Variants in SUMF1 observed in about 807,000 individuals in gnomAD.
SUMF1 encodes the protein sulfatase modifying factor 1, also known as formylglycine-generating enzyme.
A neutral mutation model predicts 47.6 loss-of-function variants in SUMF1; 48 were observed. That is an observed-to-expected ratio of 1.01 (90% CI 0.80 to 1.28). The LOEUF (loss-of-function observed/expected upper bound fraction) is 1.28. Among genes scored for constraint, SUMF1 ranks in the 50% most tolerant of loss-of-function variants. The pLI, the probability that SUMF1 is intolerant of heterozygous loss-of-function variation, is 0.00. For synonymous variants in SUMF1, 230 were observed against 192.1 expected (o/e 1.20, Z -1.63); for missense variants, 571 against 485.4 (o/e 1.18, Z -1.66).
chr3:4,214,547 A>C (rs551900995), intron 8 of SUMF1, among the ~76,000 whole-genome samples: 5 of 152,292 alleles, frequency 3.3e-5, no homozygotes, highest in Admixed American at 2.6e-4. Flanking sequence ...GACAAGAAAT[A>C]ACTAAGATCA....
At chr3:4,396,829 T>G (rs886606776) in intron 7 of SUMF1, among the ~76,000 whole-genome samples, 5 of 152,138 alleles carry the variant, frequency 3.3e-5, no homozygotes, top group Non-Finnish European at 5.9e-5. Context: ...AATGATTAAT[T>G]CTCTGACCTA....
chr3:4,309,306 T>A (rs1393091187), intron 8 of SUMF1, among the ~76,000 whole-genome samples: 1 of 152,140 alleles, frequency 6.6e-6, no homozygotes, highest in African/African-American at 2.4e-5. Flanking sequence ...CCCCTTCCCA[T>A]CATGACCTGA....
intron 9 of SUMF1, among the ~76,000 whole-genome samples, chr3:4,035,399 G>A (rs545405461): frequency 3.3e-5 from 5 of 152,186 alleles, no homozygotes; most frequent in South Asian, 2.1e-4. Context: ...CTGCCTCTGC[G>A]TTCATGTGAG....
chr3:4,048,097 T>G (rs76023473), intron 9 of SUMF1, among the ~76,000 whole-genome samples: 5,059 of 152,188 alleles, frequency 0.033, 285 homozygotes, highest in African/African-American at 0.12. Context: ...CTAAGTAATA[T>G]TCCATTTCCT....
intron 9 of SUMF1, among the ~76,000 whole-genome samples, chr3:4,045,168 T>C (rs563428151): frequency 6.6e-6 from 1 of 152,294 alleles, no homozygotes; most frequent in East Asian, 1.9e-4. Flanking sequence ...GAGATTATCC[T>C]AGGTAATCTG....
chr3:4,242,604 T>A (rs937661790), intron 8 of SUMF1, among the ~76,000 whole-genome samples: 3 of 152,336 alleles, frequency 2.0e-5, no homozygotes. Flanking sequence ...GAACCAGCTT[T>A]GCATCCCAGG....
At chr3:4,239,697 A>G (rs1011750499) in intron 8 of SUMF1, among the ~76,000 whole-genome samples, 2 of 152,204 alleles carry the variant, frequency 1.3e-5, no homozygotes, top group African/African-American at 4.8e-5. Context: ...TTGTAAATAT[A>G]CAATCATATC....
In SUMF1 at chr3:4,040,726, A is replaced by C. The variant is rs145274160; in HGVS notation, c.1191+27843T>G. On this transcript the variant is annotated intron_variant and NMD_transcript_variant, in intron 9 of 12. Transcript: ENST00000448413. ...CTGGTTTTAGTAGACAGTGAGCTTA[A>C]TACAGTTCAACAGTGTGCAATGTTG... 1.6e-3 allele frequency among the ~76,000 whole-genome samples: 243 copies of C among 152,324 alleles called. 2 individuals carry two copies. The South Asian group carries it at 0.024, about 15-fold the overall frequency.
chr3:4,312,719 A>T (rs1575081803), intron 8 of SUMF1, among the ~76,000 whole-genome samples: 1 of 151,432 alleles, frequency 6.6e-6, no homozygotes, highest in Non-Finnish European at 1.5e-5. Context: ...AAAAAAAAAA[A>T]AACTTGTTTT....
rs143768604 is a variant in SUMF1, at chr3:4,233,037, G to C, written c.1014+143293C>G. Among the ~76,000 whole-genome samples the C allele has an allele frequency of 2.3e-3, 357 of 152,264 alleles. 1 individual carries two copies. Among genetic ancestry groups the C allele is most frequent in the African/African-American group, 8.2e-3 (341 of 41,568 alleles). On this transcript the variant is annotated intron_variant and NMD_transcript_variant, in intron 8 of 12. Transcript: ENST00000448413. ...AGTTAACAAAAGCCTCTGGTGTTAA[G>C]TAAAGCAAACATCTGTACCCACTCC...
chr3:4,291,986 GCTAA>G (rs1472914264), intron 8 of SUMF1, among the ~76,000 whole-genome samples: 2 of 152,162 alleles, frequency 1.3e-5, no homozygotes, highest in Non-Finnish European at 2.9e-5. Context: ...GCTTCCAGTA[GCTAA>G]CTATGTTTGA....
chr3:4,232,128 T>G (rs1196271831), intron 8 of SUMF1, among the ~76,000 whole-genome samples: 2 of 152,066 alleles, frequency 1.3e-5, no homozygotes, highest in Non-Finnish European at 2.9e-5. Context: ...AAGTTCTTAT[T>G]TGTAAGCAGC....
At chr3:4,205,485 A>G (rs1222573326) in intron 8 of SUMF1, among the ~76,000 whole-genome samples, 3 of 152,278 alleles carry the variant, frequency 2.0e-5, no homozygotes, top group Non-Finnish European at 2.9e-5. Flanking sequence ...CAGATATTCA[A>G]TGATGTCTGT....
At chr3:4,393,453 C>G (rs1408468890) in intron 7 of SUMF1, among the ~76,000 whole-genome samples, 1 of 152,156 alleles carries the variant, frequency 6.6e-6, no homozygotes, top group Non-Finnish European at 1.5e-5. Flanking sequence ...CCATCTCAGC[C>G]TCCTGAATAG....
At chr3:4,453,706 G>A (rs373960629) in intron 1 of SUMF1, among the ~76,000 whole-genome samples, 19 of 152,040 alleles carry the variant, frequency 1.2e-4, no homozygotes, top group Middle Eastern at 6.8e-3. Context: ...GCTAATTTTT[G>A]TATTTTTAGC....
downstream of SUMF1, among the ~76,000 whole-genome samples, chr3:4,356,529 C>T (rs777314611): frequency 8.6e-5 from 13 of 152,044 alleles, no homozygotes; most frequent in Non-Finnish European, 7.4e-5. Flanking sequence ...ACATTTCTTG[C>T]TAGTACATTA....
At chr3:4,163,192 G>C (rs1382282172) in intron 8 of SUMF1, among the ~76,000 whole-genome samples, 2 of 151,752 alleles carry the variant, frequency 1.3e-5, no homozygotes, top group East Asian at 3.9e-4. Context: ...TAGACTGCTA[G>C]GGTTTCCGGG....
At chr3:4,129,355 T>G (rs778506684) in intron 8 of SUMF1, among the ~76,000 whole-genome samples, 2 of 152,148 alleles carry the variant, frequency 1.3e-5, no homozygotes, top group Non-Finnish European at 2.9e-5. Context: ...AATGTAGAGT[T>G]CTGGCATTGG....
intron 8 of SUMF1, among the ~76,000 whole-genome samples, chr3:4,369,999 T>C (rs1455743623): frequency 6.6e-6 from 1 of 152,198 alleles, no homozygotes; most frequent in Non-Finnish European, 1.5e-5. Context: ...ATAGCTGTTA[T>C]CAGGGAGCTG....
Sources: allele counts gnomAD v4.1 joint callset (sites outside exome capture counted in the v4.1 genomes callset), GRCh38; gene constraint gnomAD v4.1.1; transcripts MANE v1.5; gene names NCBI Gene and HGNC (gene_info 2026-07-23, HGNC 2026-07-21).